Variants in ZC3H12B observed in about 807,000 individuals in gnomAD.
ZC3H12B encodes the protein probable ribonuclease ZC3H12B.
A neutral mutation model predicts 43.9 loss-of-function variants in ZC3H12B; 7 were observed. That is an observed-to-expected ratio of 0.16 (90% CI 0.09 to 0.30). ZC3H12B has a LOEUF of 0.30. Ranked by LOEUF, ZC3H12B falls within the 10% of genes least tolerant of loss-of-function variation. ZC3H12B has a pLI of 1.00. For synonymous variants in ZC3H12B, 222 were observed against 241.7 expected (o/e 0.92, Z 0.76); for missense variants, 475 against 670.2 (o/e 0.71, Z 3.22).
chrX:65,319,850 C>G, the ZC3H12B span, among the ~76,000 whole-genome samples: 1 of 111,360 alleles, frequency 9.0e-6, no homozygotes, highest in Non-Finnish European at 1.9e-5. Flanking sequence ...GCAAAAAGAG[C>G]TTTTGATAAA....
chrX:65,298,037 C>T, the ZC3H12B span, among the ~76,000 whole-genome samples: 1 of 111,789 alleles, frequency 8.9e-6, no homozygotes, highest in Non-Finnish European at 1.9e-5. Context: ...GACTGGGAAC[C>T]ATAAAAATTC....
At chrX:65,226,828 C>T in the ZC3H12B span, among the ~76,000 whole-genome samples, 1 of 111,642 alleles carries the variant, frequency 9.0e-6, no homozygotes, top group Admixed American at 9.5e-5. Flanking sequence ...ACCAGAAGAG[C>T]TAACTATCCT....
the ZC3H12B span, among the ~76,000 whole-genome samples, chrX:65,071,057 A>G: frequency 9.2e-6 from 1 of 108,279 alleles, no homozygotes; most frequent in Admixed American, 9.9e-5. Context: ...GGGGTGTTGA[A>G]GTGTCGCACT....
chrX:65,187,450 A>G, the ZC3H12B span, among the ~76,000 whole-genome samples: 1 of 111,762 alleles, frequency 8.9e-6, no homozygotes. Flanking sequence ...TGATGTACAG[A>G]AAATGGTAAG....
the ZC3H12B span, among the ~76,000 whole-genome samples, chrX:65,165,935 C>G: frequency 2.7e-5 from 3 of 112,250 alleles, no homozygotes; most frequent in African/African-American, 9.7e-5. Context: ...ATTTCTATTT[C>G]TCCATATTCT....
intron 3 of ZC3H12B, among the ~76,000 whole-genome samples, chrX:65,416,519 C>T (rs1329196392): frequency 1.8e-5 from 2 of 110,304 alleles, no homozygotes; most frequent in Non-Finnish European, 3.8e-5. Flanking sequence ...CGGTGGCTCA[C>T]GCCTGTAATC....
chrX:65,320,099 G>A, the ZC3H12B span, among the ~76,000 whole-genome samples: 33 of 111,383 alleles, frequency 3.0e-4, 1 homozygote, highest in East Asian at 9.1e-3. Context: ...AAGAGAGGAA[G>A]TAAAACTACC....
the ZC3H12B span, among the ~76,000 whole-genome samples, chrX:65,064,373 A>G: frequency 8.9e-6 from 1 of 111,799 alleles, no homozygotes; most frequent in African/African-American, 3.3e-5. Flanking sequence ...ATTGTTTTCA[A>G]AGTACTTTCT....
At chrX:65,194,201 C>T in the ZC3H12B span, among the ~76,000 whole-genome samples, 1 of 94,832 alleles carries the variant, frequency 1.1e-5, no homozygotes, top group South Asian at 5.6e-4. Flanking sequence ...TGATGTGTCA[C>T]ATTTCCCTTA....
At chrX:65,336,682 T>C in the ZC3H12B span, among the ~76,000 whole-genome samples, 3 of 111,920 alleles carry the variant, frequency 2.7e-5, no homozygotes, top group Non-Finnish European at 5.6e-5. Context: ...GCATTGTCTG[T>C]GACAGAGTGG....
chrX:65,228,015 C>A, the ZC3H12B span, among the ~76,000 whole-genome samples: 1 of 111,677 alleles, frequency 9.0e-6, no homozygotes, highest in Non-Finnish European at 1.9e-5. Context: ...AAGAGGGAAT[C>A]CTCCCTAACT....
the ZC3H12B span, among the ~76,000 whole-genome samples, chrX:65,283,423 A>T: frequency 8.9e-6 from 1 of 112,091 alleles, no homozygotes; most frequent in Non-Finnish European, 1.9e-5. Flanking sequence ...CAAGACAGGG[A>T]TGCCCTCTCT....
intron 1 of ZC3H12B, among the ~76,000 whole-genome samples, chrX:65,494,372 A>T (rs113972902): frequency 2.3e-4 from 26 of 110,651 alleles, no homozygotes; most frequent in Non-Finnish European, 3.8e-4. Flanking sequence ...TCAGCTTCCC[A>T]AGTAGCTAGG....
At chrX:65,408,267 T>G in intron 3 of ZC3H12B, 1 of 1,166,943 alleles carries the variant, frequency 8.6e-7, no homozygotes, top group East Asian at 3.0e-5. Context: ...AGGCACTATG[T>G]GATGTATTAC....
the ZC3H12B span, among the ~76,000 whole-genome samples, chrX:65,286,902 G>GA: frequency 9.1e-6 from 1 of 110,447 alleles, no homozygotes; most frequent in Non-Finnish European, 1.9e-5. Context: ...TTCATATCAG[G>GA]AAAAACAAAT....
the ZC3H12B span, among the ~76,000 whole-genome samples, chrX:65,062,640 C>T: frequency 2.7e-5 from 3 of 111,793 alleles, no homozygotes; most frequent in South Asian, 3.7e-4. Flanking sequence ...CTTGGCTATA[C>T]GAGCTCTTTT....
intron 3 of ZC3H12B, among the ~76,000 whole-genome samples, chrX:65,430,988 C>T (rs756177627): frequency 8.9e-6 from 1 of 112,206 alleles, no homozygotes; most frequent in East Asian, 2.8e-4. Flanking sequence ...CCATGGACTG[C>T]AGCTGCTTCT....
chrX:65,129,629 G>A, the ZC3H12B span, among the ~76,000 whole-genome samples: 1 of 111,309 alleles, frequency 9.0e-6, no homozygotes, highest in Non-Finnish European at 1.9e-5. Context: ...CAGGCCATCT[G>A]GATGTATATG....
At chrX:65,088,749 T>G in the ZC3H12B span, among the ~76,000 whole-genome samples, 1 of 111,478 alleles carries the variant, frequency 9.0e-6, no homozygotes, top group Non-Finnish European at 1.9e-5. Flanking sequence ...TAAGGATGGT[T>G]TTTTTCGCCT....
Sources: gnomAD v4.1 joint callset for allele counts (sites outside exome capture counted in the v4.1 genomes callset) on GRCh38, gnomAD v4.1.1 for gene constraint, MANE v1.5 for transcripts, NCBI Gene and HGNC (gene_info 2026-07-23, HGNC 2026-07-21) for gene names.